LIPG: variants seen among roughly 807,000 people sequenced by gnomAD.
LIPG encodes the protein endothelial lipase.
In LIPG, 34 loss-of-function variants were observed where a neutral mutation model predicts 51.8. The observed-to-expected ratio is 0.66, with a 90% CI of 0.50 to 0.87. The LOEUF is 0.87. Ranked by LOEUF, LIPG falls within the 40% of genes least tolerant of loss-of-function variation. The probability of loss-of-function intolerance (pLI) is 0.00; values close to 1 mark genes in which losing one functional copy is unlikely to be tolerated. For synonymous variants in LIPG, 246 were observed against 246.1 expected (o/e 1.00, Z 0.00); for missense variants, 580 against 652.7 (o/e 0.89, Z 1.21).
At chr18:49,581,384 C>T (rs2084817038) in intron 5 of LIPG, 31 bp from the exon 6 acceptor site, 3 of 1,614,002 alleles carry the variant, frequency 1.9e-6, no homozygotes, top group African/African-American at 1.3e-5. Context: ...AAGGGCTCAT[C>T]CTGCATGCTT....
intron 4 of LIPG, among the ~76,000 whole-genome samples, chr18:49,571,284 C>T (rs1323252685): frequency 6.6e-6 from 1 of 152,190 alleles, no homozygotes; most frequent in Non-Finnish European, 1.5e-5. Context: ...AATTGTAGCA[C>T]ACACCACAGT....
intron 5 of LIPG, among the ~76,000 whole-genome samples, chr18:49,578,201 G>T (rs2084750613): frequency 6.7e-6 from 1 of 148,576 alleles, no homozygotes; most frequent in African/African-American, 2.5e-5. Context: ...TGGCTGCCGG[G>T]CGGAGAGGCT....
At chr18:49,586,327 A>AT (rs1012493193) in intron 8 of LIPG, among the ~76,000 whole-genome samples, 1 of 152,228 alleles carries the variant, frequency 6.6e-6, no homozygotes, top group African/African-American at 2.4e-5. Flanking sequence ...AAAATAAAAC[A>AT]TTTTTTAAAA....
At chr18:49,570,193 C>A (rs181869631) in intron 4 of LIPG, among the ~76,000 whole-genome samples, 58 of 152,320 alleles carry the variant, frequency 3.8e-4, no homozygotes, top group Admixed American at 3.0e-3. Flanking sequence ...ATAAAAGGAA[C>A]CTTTCTGATA....
At chr18:49,584,176 C>A (rs971559889) in intron 8 of LIPG, among the ~76,000 whole-genome samples, 9 of 152,180 alleles carry the variant, frequency 5.9e-5, no homozygotes, top group Non-Finnish European at 1.3e-4. Context: ...ACTGGAGTAT[C>A]ACTTCCAGAG....
In LIPG at chr18:49,565,481, A is replaced by T. The variant is rs778078674; in HGVS notation, c.262A>T (p.Ile88Phe). ...CAACATGACAGCTAAAACCTTTTTC[A>T]TCATTCACGGATGGACGGTGAGCCC... is the stretch of plus-strand genomic sequence containing the variant. ...SFNMTAKTFF[I>F]IHGWTMSGIF... Residue 88 changes from isoleucine (I) to phenylalanine (F), a missense_variant, in exon 2 of 10, where the codon ATC (isoleucine) becomes TTC (phenylalanine). Coordinates refer to ENST00000261292, the MANE Select transcript of LIPG (RefSeq NM_006033.4). The T allele has an allele frequency of 2.5e-6, 4 of 1,614,216 alleles. No homozygotes were observed. In the South Asian group the frequency reaches 4.4e-5, roughly 18 times the overall value.
At position 49,594,486 on chromosome 18, in the gene LIPG, C is replaced by T. The variant is rs1344869355; in HGVS notation, c.*3964C>T. 6.6e-6 allele frequency: 1 copy of T among 152,088 alleles called. No homozygotes were observed. The highest frequency in any genetic ancestry group is 1.5e-5 in the Non-Finnish European group (1 of 68,016). The allele number at this position is 152,088 out of a possible 1,614,324, so 9.4% of individuals were successfully genotyped here. ...CAATTCCGTCCCTATTTCCCCTTTC[C>T]CCCTACCAATTACTATTTATTAAAA... On this transcript the variant is annotated 3_prime_UTR_variant, in exon 10 of 10. Coordinates refer to ENST00000261292, the MANE Select transcript of LIPG (RefSeq NM_006033.4).
In LIPG at chr18:49,586,934, CCAGGG is replaced by C; in HGVS notation, c.1481+85_1481+89del. 5.0e-6 allele frequency: 5 copies of C among 1,000,882 alleles called. No individual in the cohort carries two copies. In the South Asian group the frequency reaches 6.5e-5, roughly 13 times the overall value. The allele number at this position is 1,000,882 out of a possible 1,614,324, so 62.0% of individuals were successfully genotyped here. A position where few individuals can be genotyped will look rare whatever the true frequency, so the allele number is the denominator to read the frequency against. Reference sequence around the variant, plus strand: ...CATGTGCTGGGGATGGATCTGGGTGCCAGGGACATAGCATGAACAAAACAGATAAA... The same window carrying C: ...CATGTGCTGGGGATGGATCTGGGTGCACATAGCATGAACAAAACAGATAAA... On this transcript the variant is annotated intron_variant, in intron 9 of 9. Transcript: ENST00000261292.
At chr18:49,580,739 G>A (rs1254340749) in intron 5 of LIPG, among the ~76,000 whole-genome samples, 1 of 152,202 alleles carries the variant, frequency 6.6e-6, no homozygotes, top group Non-Finnish European at 1.5e-5. Flanking sequence ...TGATCCATTT[G>A]CAGCATTCTG....
chr18:49,582,238 A>C (rs1004342661), intron 6 of LIPG, 124 bp from the exon 7 acceptor site: 2 of 1,175,624 alleles, frequency 1.7e-6, no homozygotes, highest in African/African-American at 3.0e-5. Context: ...TGGGGGCTGC[A>C]GGCTGGGCTC....
At position 49,598,709 on chromosome 18, in the gene LIPG, G is replaced by A. The variant is rs1373825381; in HGVS notation, c.*8187G>A. The A allele has an allele frequency of 6.6e-6, 1 of 152,146 alleles. No homozygotes were observed. Among genetic ancestry groups the A allele is most frequent in the Admixed American group, 6.5e-5 (1 of 15,278 alleles). 9.4% of individuals were successfully genotyped at this position (152,146 alleles called of 1,614,324 possible). Reference sequence around the variant, plus strand: ...ATGAAACTGAAAGCATTACCACATCGAGATTGTGAACATACCACCACCAGA... The same window carrying A: ...ATGAAACTGAAAGCATTACCACATCAAGATTGTGAACATACCACCACCAGA... On this transcript the variant is annotated 3_prime_UTR_variant, in exon 10 of 10. Coordinates refer to ENST00000261292, the MANE Select transcript of LIPG (RefSeq NM_006033.4).
intron 5 of LIPG, among the ~76,000 whole-genome samples, chr18:49,579,043 A>C (rs1484651647): frequency 0.033 from 1 of 30 alleles, no homozygotes; most frequent in East Asian, 0.5. Flanking sequence ...GGAGAGGGAG[A>C]GGGAGAGGGA....
rs1240412976 is a variant in LIPG, at chr18:49,579,744, C to CCT, written c.794-1671_794-1670insCT. ...CTCAGAATATAGGATGATGGCCTTT[C>CCT]TTTCCTTTCCTTTCCTTTCCTTTCT... On this transcript the variant is annotated intron_variant, in intron 5 of 9. Coordinates refer to ENST00000261292, the MANE Select transcript of LIPG (RefSeq NM_006033.4). 3.9e-3 allele frequency among the ~76,000 whole-genome samples: 408 copies of CCT among 104,404 alleles called. 16 individuals are homozygous for CCT. The highest frequency in any genetic ancestry group is 0.017 in the African/African-American group (332 of 19,814). The allele number at this position is 104,404 out of a possible 152,430, so 68.5% of individuals were successfully genotyped here. A position where few individuals can be genotyped will look rare whatever the true frequency, so the allele number is the denominator to read the frequency against.
intron 3 of LIPG, 60 bp from the exon 4 acceptor site, chr18:49,569,377 G>T (rs1304270586): frequency 1.4e-6 from 2 of 1,397,720 alleles, no homozygotes; most frequent in Admixed American, 1.7e-5. Flanking sequence ...TGAACTGCTG[G>T]TGATTCTGGG....
At chr18:49,561,824 C>T (rs982797953), upstream of LIPG, 4 of 1,254,540 alleles carry the variant, frequency 3.2e-6, no homozygotes, top group Admixed American at 1.1e-4. Context: ...GCTGGAGCTG[C>T]TGGAGTCGCA....
chr18:49,584,359 TA>T (rs1054518558), intron 8 of LIPG, among the ~76,000 whole-genome samples: 108 of 152,346 alleles, frequency 7.1e-4, no homozygotes, highest in African/African-American at 2.5e-3. Flanking sequence ...CCATTTCTTT[TA>T]ACCCCAAGCC....
intron 3 of LIPG, 159 bp downstream of exon 3, chr18:49,567,780 T>C: frequency 1.4e-6 from 1 of 699,542 alleles, no homozygotes; most frequent in South Asian, 2.1e-5. Flanking sequence ...TTTGGAATAC[T>C]TGAAAGCTGG....
At position 49,582,433 on chromosome 18, in the gene LIPG, G is replaced by A. The variant is rs201407808; in HGVS notation, c.1108G>A (p.Val370Ile). The change falls in exon 7 of 10, where the codon GTC becomes ATC. Residue 370 changes from valine (V) to isoleucine (I), a missense_variant. By Grantham distance (29) the Val-to-Ile change is conservative. Coordinates refer to ENST00000261292, the MANE Select transcript of LIPG (RefSeq NM_006033.4). ...GGGAGAAATTGAGCCCACCTTTTAC[G>A]TCACCCTTTATGGCACTAATGCAGA... Reference protein sequence around the residue: ...NMGEIEPTFYVTLYGTNADSQ... With the variant: ...NMGEIEPTFYITLYGTNADSQ... The A allele has an allele frequency of 1.1e-4, 183 of 1,614,122 alleles. No homozygotes were observed. The highest frequency in any genetic ancestry group is 1.5e-4 in the Non-Finnish European group (173 of 1,180,008).
intron 7 of LIPG, 90 bp from the exon 8 acceptor site, chr18:49,583,466 T>A: frequency 1.0e-6 from 1 of 997,248 alleles, no homozygotes; most frequent in East Asian, 2.4e-5. Flanking sequence ...CCTGTCTGTG[T>A]GGGGTTGTTA....
Sources: allele counts gnomAD v4.1 joint callset (sites outside exome capture counted in the v4.1 genomes callset), GRCh38; gene constraint gnomAD v4.1.1; transcripts MANE v1.5; gene names NCBI Gene and HGNC (gene_info 2026-07-23, HGNC 2026-07-21).